Variants in FAM124A observed in about 807,000 individuals in gnomAD.
The protein encoded by FAM124A is family with sequence similarity 124 member A, also known as protein FAM124A.
Under a neutral mutation model 24.5 loss-of-function variants are expected in FAM124A, and 23 were observed. The observed-to-expected ratio is 0.94, with a 90% CI of 0.68 to 1.33. The LOEUF (loss-of-function observed/expected upper bound fraction) is 1.33. Ranked by LOEUF, FAM124A falls within the 40% of genes most tolerant of loss-of-function variation. FAM124A has a pLI of 0.00. For missense variants in FAM124A, 623 were observed against 722.8 expected (o/e 0.86, Z 1.58); for synonymous variants, 287 against 314.7 (o/e 0.91, Z 0.93).
chr13:51,256,795 C>T (rs562585341), intron 3 of FAM124A, among the ~76,000 whole-genome samples: 1 of 152,206 alleles, frequency 6.6e-6, no homozygotes, highest in African/African-American at 2.4e-5. Context: ...ATCTCTGTAA[C>T]TTTTTCATCC....
chr13:51,254,997 C>T (rs138238734), intron 3 of FAM124A, among the ~76,000 whole-genome samples: 12 of 152,026 alleles, frequency 7.9e-5, no homozygotes, highest in South Asian at 2.1e-4. Context: ...CTTCCTCCCC[C>T]GCCCTGGGAC....
intron 2 of FAM124A, among the ~76,000 whole-genome samples, chr13:51,234,626 T>C (rs2137653219): frequency 6.6e-6 from 1 of 152,052 alleles, no homozygotes; most frequent in South Asian, 2.1e-4. Context: ...GGCTGAGATA[T>C]GAATGTCCAA....
chr13:51,252,567 TAGAG>T (rs2137680561), intron 3 of FAM124A: 1 of 255,132 alleles, frequency 3.9e-6, no homozygotes, highest in East Asian at 7.2e-5. Context: ...CCCATGTACT[TAGAG>T]AGTTTTTACC....
intron 1 of FAM124A, among the ~76,000 whole-genome samples, chr13:51,226,142 ACCACCGACACCATGC>A: frequency 6.6e-6 from 1 of 150,952 alleles, no homozygotes; most frequent in South Asian, 2.1e-4. Context: ...ACAGGCCCGC[ACCACCGACACCATGC>A]CCAGCTAATT....
intron 2 of FAM124A, among the ~76,000 whole-genome samples, chr13:51,249,343 A>C (rs1218643892): frequency 6.6e-6 from 1 of 152,184 alleles, no homozygotes. Context: ...AGCCAGCAGG[A>C]AGGAAAAAGA....
At chr13:51,240,957 T>C (rs551699275) in intron 2 of FAM124A, among the ~76,000 whole-genome samples, 1 of 152,296 alleles carries the variant, frequency 6.6e-6, no homozygotes, top group African/African-American at 2.4e-5. Context: ...AAGCCCAAAC[T>C]TGGCATCTGA....
chr13:51,280,023 TACAA>T (rs1489996370), intron 3 of FAM124A, among the ~76,000 whole-genome samples: 2 of 152,218 alleles, frequency 1.3e-5, no homozygotes, highest in South Asian at 2.1e-4. Context: ...CAGTAACATT[TACAA>T]ACAGTGTCTA....
At position 51,280,750 on chromosome 13, in the gene FAM124A, C is replaced by G. The variant is rs934947550; in HGVS notation, c.1135C>G (p.Pro379Ala). 6.2e-7 allele frequency: 1 copy of G among 1,614,236 alleles called. No homozygotes were observed. The highest frequency in any genetic ancestry group is 1.7e-5 in the Admixed American group (1 of 60,028). The change falls in exon 4 of 4, where the codon CCA (proline) becomes GCA (alanine). Residue 379 changes from proline to alanine, a missense_variant. Physicochemically the swap from Pro to Ala is conservative, Grantham distance 27 (BLOSUM62 -1). Transcript: ENST00000322475. ...GGPSLASSAE[P>A]QWFSNTGAPG... ...CCCCTCCCTGGCCTCCTCAGCTGAA[C>G]CACAGTGGTTTTCAAACACAGGTGC... is the stretch of plus-strand genomic sequence containing the variant.
At position 51,252,070 on chromosome 13, in the gene FAM124A, G is replaced by C. The variant is rs767755117; in HGVS notation, c.703G>C (p.Asp235His). The C allele has an allele frequency of 3.1e-6, 5 of 1,613,986 alleles. No individual in the cohort carries two copies. The highest frequency in any genetic ancestry group is 3.4e-6 in the Non-Finnish European group (4 of 1,180,038). ...CTGTGACCAGTGCCCGGTGCCCACCGACTCCTCCGTGCTGGAGTTCCGAGT... is the reference window on the plus strand; with the variant it reads ...CTGTGACCAGTGCCCGGTGCCCACCCACTCCTCCGTGCTGGAGTTCCGAGT... ...LPCDQCPVPT[D>H]SSVLEFRVRD... Residue 235 changes from aspartate (D) to histidine (H), a missense_variant, in exon 3 of 4, where the codon GAC becomes CAC. By Grantham distance (81) the Asp-to-His change is moderately conservative. Transcript: ENST00000322475.
intron 2 of FAM124A, among the ~76,000 whole-genome samples, chr13:51,245,576 C>T (rs1442707928): frequency 6.6e-6 from 1 of 152,184 alleles, no homozygotes; most frequent in African/African-American, 2.4e-5. Flanking sequence ...CTGCTAAGGG[C>T]TCTTTTATAC....
At chr13:51,269,093 A>G (rs886663250) in intron 3 of FAM124A, among the ~76,000 whole-genome samples, 15 of 152,210 alleles carry the variant, frequency 9.9e-5, no homozygotes, top group Non-Finnish European at 7.3e-5. Context: ...TACAGAAACC[A>G]CAAAAGAGGC....
chr13:51,225,500 G>T (rs1354990905), intron 1 of FAM124A: 4 of 152,248 alleles, frequency 2.6e-5, no homozygotes, highest in Admixed American at 2.0e-4. Context: ...ATATTTAAAC[G>T]CCCAGTCAAT....
intron 3 of FAM124A, among the ~76,000 whole-genome samples, chr13:51,279,980 C>CAT (rs1163960442): frequency 6.6e-6 from 1 of 152,224 alleles, no homozygotes; most frequent in African/African-American, 2.4e-5. Context: ...ATTGTCTCTG[C>CAT]ATAGCCCATC....
chr13:51,243,963 C>T (rs966937956), intron 2 of FAM124A, among the ~76,000 whole-genome samples: 3 of 152,202 alleles, frequency 2.0e-5, no homozygotes, highest in African/African-American at 7.2e-5. Context: ...ACCAGTATCC[C>T]AGCCCCCAAG....
At chr13:51,262,677 C>T (rs1012315854) in intron 3 of FAM124A, among the ~76,000 whole-genome samples, 3 of 152,160 alleles carry the variant, frequency 2.0e-5, no homozygotes, top group African/African-American at 7.2e-5. Context: ...CCTCCTGGCT[C>T]TTGGCTTCAT....
At chr13:51,250,447 AAG>A (rs1954607020) in intron 2 of FAM124A, among the ~76,000 whole-genome samples, 1 of 152,228 alleles carries the variant, frequency 6.6e-6, no homozygotes. Flanking sequence ...TTAAAAGAGC[AAG>A]CCTTTTATCA....
chr13:51,261,576 C>A (rs1954739088), intron 3 of FAM124A, among the ~76,000 whole-genome samples: 1 of 152,212 alleles, frequency 6.6e-6, no homozygotes, highest in South Asian at 2.1e-4. Context: ...ACAGGCAGAT[C>A]TTTGAGGTGG....
chr13:51,245,465 G>C lies in FAM124A; in HGVS notation c.101-6003G>C, dbSNP rs933749347. ...CAGCTTCCGGCATTCATCTGTGCAA[G>C]CTTCCAGCTTGCTTATCTACATCTA... On this transcript the variant is annotated intron_variant, in intron 2 of 3. Transcript: ENST00000322475. The C allele has an allele frequency of 1.3e-5, 7 of 531,706 alleles. No individual in the cohort carries two copies. In the African/African-American group the frequency reaches 1.4e-4, roughly 10 times the overall value. The allele number at this position is 531,706 out of a possible 1,614,324, so 32.9% of individuals were successfully genotyped here.
At chr13:51,250,943 G>A (rs549673224) in intron 2 of FAM124A, among the ~76,000 whole-genome samples, 1 of 152,352 alleles carries the variant, frequency 6.6e-6, no homozygotes, top group African/African-American at 2.4e-5. Flanking sequence ...CACTCCCTGT[G>A]AGGCAGGTAG....
Sources: allele counts gnomAD v4.1 joint callset (sites outside exome capture counted in the v4.1 genomes callset), GRCh38; gene constraint gnomAD v4.1.1; transcripts MANE v1.5; gene names NCBI Gene and HGNC (gene_info 2026-07-23, HGNC 2026-07-21).